Variants in BTRC observed in about 807,000 individuals in gnomAD.
The protein encoded by BTRC is F-box/WD repeat-containing protein 1A.
Under a neutral mutation model 85.5 loss-of-function variants are expected in BTRC, and 42 were observed. The observed-to-expected ratio is 0.49, with a 90% CI of 0.38 to 0.64. The LOEUF is 0.64. Among genes scored for constraint, BTRC ranks in the 30% least tolerant of loss-of-function variants. BTRC has a pLI of 0.00. For missense variants in BTRC, 594 were observed against 743.5 expected (o/e 0.80, Z 2.34); for synonymous variants, 255 against 263.3 (o/e 0.97, Z 0.30).
chr10:101,546,122 G>A (rs1044016090), intron 13 of BTRC, among the ~76,000 whole-genome samples: 22 of 152,154 alleles, frequency 1.4e-4, no homozygotes, highest in African/African-American at 5.1e-4. Context: ...TCAATCAAGT[G>A]GATATAATTG....
At chr10:101,382,203 G>A (rs1010055174) in intron 1 of BTRC, among the ~76,000 whole-genome samples, 8 of 151,096 alleles carry the variant, frequency 5.3e-5, no homozygotes, top group East Asian at 1.9e-4. Flanking sequence ...GGCTGGTCTC[G>A]AACTCCCGAC....
intron 2 of BTRC, among the ~76,000 whole-genome samples, chr10:101,431,519 GT>G (rs1452730409): frequency 2.7e-4 from 41 of 152,236 alleles, no homozygotes; most frequent in African/African-American, 9.9e-4. Flanking sequence ...ATACATGATT[GT>G]TTTCTTGACT....
intron 1 of BTRC, among the ~76,000 whole-genome samples, chr10:101,425,458 G>A (rs753395594): frequency 1.8e-4 from 27 of 152,120 alleles, no homozygotes; most frequent in Non-Finnish European, 2.1e-4. Context: ...AAACTAATAT[G>A]TGCTGTGCAG....
intron 1 of BTRC, chr10:101,365,086 T>A (rs1204336975): frequency 1.3e-5 from 2 of 152,016 alleles, no homozygotes; most frequent in South Asian, 2.1e-4. Context: ...TTTTATTTTT[T>A]TTTTAAGATG....
Position 101,481,960 on chromosome 10 carries a change from A to C in BTRC, c.324+2503A>C, listed in dbSNP as rs544035478. Among the ~76,000 whole-genome samples the C allele has an allele frequency of 1.6e-4, 25 of 152,334 alleles. No individual in the cohort carries two copies. The South Asian group carries it at 5.2e-3, about 32-fold the overall frequency. On this transcript the variant is annotated intron_variant, in intron 4 of 14. Transcript: ENST00000370187. ...TGTCAAATAAAAACACATAGCTGAA[A>C]AATTTTCTTTCTTGCAACAGTCTCC... is the stretch of plus-strand genomic sequence containing the variant.
intron 1 of BTRC, among the ~76,000 whole-genome samples, chr10:101,404,026 A>ATTTTTTTTTTT (rs1438676972): frequency 1.1e-4 from 3 of 26,204 alleles, no homozygotes; most frequent in African/African-American, 1.2e-4. Context: ...ATATATATAT[A>ATTTTTTTTTTT]TATATTTTTT....
chr10:101,468,126 T>G (rs1945429520), intron 3 of BTRC, among the ~76,000 whole-genome samples: 1 of 152,160 alleles, frequency 6.6e-6, no homozygotes, highest in Non-Finnish European at 1.5e-5. Flanking sequence ...AAAATTACTT[T>G]GAGGAAGGAA....
intron 1 of BTRC, among the ~76,000 whole-genome samples, chr10:101,375,933 C>G (rs1554864116): frequency 6.6e-6 from 1 of 152,270 alleles, no homozygotes; most frequent in Non-Finnish European, 1.5e-5. Flanking sequence ...TGTATCAACA[C>G]AGGGGAAGTG....
chr10:101,479,241 CA>C, intron 3 of BTRC, 126 bp from the exon 4 acceptor site: 1 of 647,306 alleles, frequency 1.5e-6, no homozygotes, highest in Non-Finnish European at 2.5e-6. Flanking sequence ...TCTCAGTTCC[CA>C]TAAGTCTTAA....
rs371119833 is a variant in BTRC at position 101,534,645 on chromosome 10, C to T, written c.1098-16C>T. On this transcript the variant is annotated splice_polypyrimidine_tract_variant and intron_variant, in intron 9 of 14. Coordinates refer to ENST00000370187, the MANE Select transcript of BTRC (RefSeq NM_033637.4). ...TGTAGCTTGAGTACCATCTAAATCTCATCTATCACTTCCAGAGTGTGGGAT... is the reference window on the plus strand; with the variant it reads ...TGTAGCTTGAGTACCATCTAAATCTTATCTATCACTTCCAGAGTGTGGGAT... 1.8e-5 allele frequency: 29 copies of T among 1,613,746 alleles called. No individual in the cohort carries two copies. In the African/African-American group the frequency reaches 3.3e-4, roughly 19 times the overall value.
chr10:101,511,784 T>C (rs1353810328), intron 4 of BTRC, among the ~76,000 whole-genome samples: 1 of 152,042 alleles, frequency 6.6e-6, no homozygotes, highest in Non-Finnish European at 1.5e-5. Context: ...ACCTTGGCCT[T>C]CCAAAGTGCT....
At position 101,555,591 on chromosome 10, in the gene BTRC, A is replaced by C. The variant is rs2134504009; in HGVS notation, c.*2468A>C. On this transcript the variant is annotated 3_prime_UTR_variant, in exon 15 of 15. Coordinates refer to ENST00000370187, the MANE Select transcript of BTRC (RefSeq NM_033637.4). ...TTTGTTGTAGAAGAAATAATCAGGT[A>C]AGTTAAAAGTTCATTTCCAGAGAAG... 1 of 152,734 alleles carries C rather than the reference A, an allele frequency of 6.5e-6. No homozygotes were observed. 9.5% of individuals were successfully genotyped at this position (152,734 alleles called of 1,614,324 possible).
At chr10:101,385,746 T>C (rs1051573351) in intron 1 of BTRC, among the ~76,000 whole-genome samples, 10 of 150,522 alleles carry the variant, frequency 6.6e-5, no homozygotes, top group African/African-American at 2.4e-4. Flanking sequence ...CACACACACA[T>C]ATGTTTTGTA....
intron 1 of BTRC, among the ~76,000 whole-genome samples, chr10:101,409,806 T>C (rs1943727573): frequency 1.3e-5 from 2 of 152,388 alleles, no homozygotes; most frequent in African/African-American, 4.8e-5. Context: ...TTTATCTGTT[T>C]ATTCGTTGAT....
At chr10:101,541,144 A>G (rs1174137190) in intron 13 of BTRC, among the ~76,000 whole-genome samples, 1 of 151,088 alleles carries the variant, frequency 6.6e-6, no homozygotes, top group African/African-American at 2.4e-5. Context: ...GTACAATGTT[A>G]AAAACAATTG....
chr10:101,454,792 A>G (rs1223764521), intron 2 of BTRC, among the ~76,000 whole-genome samples: 2 of 152,164 alleles, frequency 1.3e-5, no homozygotes, highest in African/African-American at 4.8e-5. Context: ...TTAAAAAACA[A>G]TCCTTTCAAC....
intron 4 of BTRC, among the ~76,000 whole-genome samples, chr10:101,521,183 A>C (rs754151112): frequency 3.3e-5 from 5 of 151,732 alleles, no homozygotes; most frequent in Non-Finnish European, 7.4e-5. Context: ...CTAAGGTGGG[A>C]GGATCGCTTG....
intron 1 of BTRC, among the ~76,000 whole-genome samples, chr10:101,359,045 T>C (rs1347904099): frequency 6.6e-6 from 1 of 152,190 alleles, no homozygotes; most frequent in Non-Finnish European, 1.5e-5. Context: ...GGCATCTCTT[T>C]TTTTGAGGTT....
At chr10:101,389,805 TG>T (rs1943191030) in intron 1 of BTRC, among the ~76,000 whole-genome samples, 1 of 151,728 alleles carries the variant, frequency 6.6e-6, no homozygotes, top group Non-Finnish European at 1.5e-5. Context: ...TTAAATTTTT[TG>T]TACAGACAGG....
Sources: gnomAD v4.1 joint callset for allele counts (sites outside exome capture counted in the v4.1 genomes callset) on GRCh38, gnomAD v4.1.1 for gene constraint, MANE v1.5 for transcripts, NCBI Gene and HGNC (gene_info 2026-07-23, HGNC 2026-07-21) for gene names.